ARF6: variants seen among roughly 807,000 people sequenced by gnomAD.
The protein encoded by ARF6 is ADP-ribosylation factor 6.
For synonymous variants in ARF6, 127 were observed against 95.5 expected (o/e 1.33, Z -1.92); for missense variants, 75 against 232.0 (o/e 0.32, Z 4.40).
At position 49,894,548 on chromosome 14, in the gene ARF6, T is replaced by C; in HGVS notation, c.*284T>C. The C allele has an allele frequency of 3.1e-6, 1 of 325,554 alleles. No homozygotes were observed. 20.2% of individuals were successfully genotyped at this position (325,554 alleles called of 1,614,324 possible). ...AAAGTTGCTAGATGCTCTTGTTGAC[T>C]TCCAGCAGATGGGATGGGGGAAACA... is the stretch of plus-strand genomic sequence containing the variant. On this transcript the variant is annotated 3_prime_UTR_variant, in exon 2 of 2. Transcript: ENST00000298316.
Position 49,896,055 on chromosome 14 carries a change from A to G in ARF6, c.*1791A>G. The G allele has an allele frequency of 6.0e-6, 1 of 165,850 alleles. No individual in the cohort carries two copies. 10.3% of individuals were successfully genotyped at this position (165,850 alleles called of 1,614,324 possible). On this transcript the variant is annotated 3_prime_UTR_variant, in exon 2 of 2. Coordinates refer to ENST00000298316, the MANE Select transcript of ARF6 (RefSeq NM_001663.4). ...GGCCATATTGTATAATGGAGCTTTT[A>G]CCAAAGATGTATGAGAAGTGTAAGA...
rs1465838889 is a variant in ARF6, at chr14:49,893,493, C to G, written c.-244C>G. The G allele has an allele frequency of 2.1e-6, 1 of 466,240 alleles. No individual in the cohort carries two copies. The highest frequency in any genetic ancestry group is 3.8e-6 in the Non-Finnish European group (1 of 262,920). 28.9% of individuals were successfully genotyped at this position (466,240 alleles called of 1,614,324 possible). ...GCCGGGCCGCGCCTCAGCAGGGCGGCGGCTCCCAGCGCAGTCTCAGGGCCC... is the reference window on the plus strand; with the variant it reads ...GCCGGGCCGCGCCTCAGCAGGGCGGGGGCTCCCAGCGCAGTCTCAGGGCCC... On this transcript the variant is annotated 5_prime_UTR_variant, in exon 2 of 2. Coordinates refer to ENST00000298316, the MANE Select transcript of ARF6 (RefSeq NM_001663.4).
rs754412742 is a variant in ARF6, at chr14:49,893,721, C to T, written c.-16C>T. The T allele has an allele frequency of 6.2e-7, 1 of 1,605,022 alleles. No individual in the cohort carries two copies. Among genetic ancestry groups the T allele is most frequent in the South Asian group, 1.1e-5 (1 of 90,892 alleles). Reference sequence around the variant, plus strand: ...CGGGACACCTGAATGCCCCCGGCCCCGGCTCCTCCGACGCGATGGGGAAGG... The same window carrying T: ...CGGGACACCTGAATGCCCCCGGCCCTGGCTCCTCCGACGCGATGGGGAAGG... On this transcript the variant is annotated 5_prime_UTR_variant, in exon 2 of 2. Coordinates refer to ENST00000298316, the MANE Select transcript of ARF6 (RefSeq NM_001663.4).
At position 49,895,592 on chromosome 14, in the gene ARF6, T is replaced by C. The variant is rs1416333521; in HGVS notation, c.*1328T>C. 1.2e-5 allele frequency: 2 copies of C among 167,090 alleles called. No homozygotes were observed. The highest frequency in any genetic ancestry group is 2.9e-5 in the Non-Finnish European group (2 of 68,100). 10.4% of individuals were successfully genotyped at this position (167,090 alleles called of 1,614,324 possible). On this transcript the variant is annotated 3_prime_UTR_variant, in exon 2 of 2. Transcript: ENST00000298316. Reference sequence around the variant, plus strand: ...GTCTCCTTTAAGGAAGGAAGCGTGATGAATGAATGATGTGTAGACTTGAGG... The same window carrying C: ...GTCTCCTTTAAGGAAGGAAGCGTGACGAATGAATGATGTGTAGACTTGAGG...
rs1301880306 is a variant in ARF6, at chr14:49,896,074, T to G, written c.*1810T>G. ...GCTTTTACCAAAGATGTATGAGAAG[T>G]GTAAGACTATAAAAAAATGAACTAT... On this transcript the variant is annotated 3_prime_UTR_variant, in exon 2 of 2. Transcript: ENST00000298316. The G allele has an allele frequency of 6.1e-6, 1 of 164,910 alleles. No individual in the cohort carries two copies. Among genetic ancestry groups the G allele is most frequent in the Non-Finnish European group, 1.5e-5 (1 of 68,080 alleles). 10.2% of individuals were successfully genotyped at this position (164,910 alleles called of 1,614,324 possible).
At position 49,893,476 on chromosome 14, in the gene ARF6, G is replaced by GCGCCT. The variant is rs1169384518; in HGVS notation, c.-259_-255dup. Reference sequence around the variant, plus strand: ...GGGAAGGGCAGTTCCGGGCCGGGCCGCGCCTCAGCAGGGCGGCGGCTCCCA... The same window carrying GCGCCT: ...GGGAAGGGCAGTTCCGGGCCGGGCCGCGCCTCGCCTCAGCAGGGCGGCGGCTCCCA... On this transcript the variant is annotated 5_prime_UTR_variant, in exon 2 of 2. Transcript: ENST00000298316. 1.8e-5 allele frequency: 7 copies of GCGCCT among 386,564 alleles called. No individual in the cohort carries two copies. The highest frequency in any genetic ancestry group is 2.8e-5 in the Non-Finnish European group (6 of 216,336). The allele number at this position is 386,564 out of a possible 1,614,324, so 23.9% of individuals were successfully genotyped here.
chr14:49,894,451 T>C lies in ARF6; in HGVS notation c.*187T>C. 3.9e-6 allele frequency: 2 copies of C among 506,700 alleles called. No individual in the cohort carries two copies. Among genetic ancestry groups the C allele is most frequent in the Admixed American group, 4.7e-5 (1 of 21,110 alleles). The allele number at this position is 506,700 out of a possible 1,614,324, so 31.4% of individuals were successfully genotyped here. On this transcript the variant is annotated 3_prime_UTR_variant, in exon 2 of 2. Transcript: ENST00000298316. The stretch of plus-strand genomic sequence containing the variant: ...TCTTTTGTTTGTTTCCCTTTCTTTT[T>C]CCTTTTTTTTTTTTTTTTTTTTTTG...
rs1307909604 is a variant in ARF6, at chr14:49,893,895, T to G, written c.159T>G (p.Thr53=). The G allele has an allele frequency of 6.2e-7, 1 of 1,614,182 alleles. No individual in the cohort carries two copies. ...PTVGFNVETV[T]YKNVKFNVWD... is the part of the protein sequence containing the mutation. ...TGGGTTTCAACGTGGAGACGGTGAC[T>G]TACAAAAATGTCAAGTTCAACGTAT... The change falls in exon 2 of 2, where the codon ACT becomes ACG. Residue 53 remains threonine, a synonymous_variant. Transcript: ENST00000298316.
rs539051494 is a variant in ARF6 at position 49,895,836 on chromosome 14, C to T, written c.*1572C>T. On this transcript the variant is annotated 3_prime_UTR_variant, in exon 2 of 2. Coordinates refer to ENST00000298316, the MANE Select transcript of ARF6 (RefSeq NM_001663.4). ...TGCTTGATGCAGAATTGTAAAGCAG[C>T]ATCTGGTTCCTATATAGCCTTAAGG... 1 of 166,960 alleles carries T rather than the reference C, an allele frequency of 6.0e-6. No individual in the cohort carries two copies. The highest frequency in any genetic ancestry group is 2.1e-4 in the South Asian group (1 of 4,832). The allele number at this position is 166,960 out of a possible 1,614,324, so 10.3% of individuals were successfully genotyped here. A position where few individuals can be genotyped will look rare whatever the true frequency, so the allele number is the denominator to read the frequency against.
rs1353048651 is a variant in ARF6 at position 49,894,742 on chromosome 14, C to G, written c.*478C>G. ...AGACTATGTTGCAAGTCTGTTTCAT[C>G]TAGTAAACTGAAAATTATTGCTTAA... On this transcript the variant is annotated 3_prime_UTR_variant, in exon 2 of 2. Coordinates refer to ENST00000298316, the MANE Select transcript of ARF6 (RefSeq NM_001663.4). 1.2e-5 allele frequency: 2 copies of G among 167,888 alleles called. No homozygotes were observed. Among genetic ancestry groups the G allele is most frequent in the Admixed American group, 1.3e-4 (2 of 15,422 alleles). 10.4% of individuals were successfully genotyped at this position (167,888 alleles called of 1,614,324 possible).
In ARF6 at chr14:49,893,506, A is replaced by T; in HGVS notation, c.-231A>T. On this transcript the variant is annotated 5_prime_UTR_variant, in exon 2 of 2. Coordinates refer to ENST00000298316, the MANE Select transcript of ARF6 (RefSeq NM_001663.4). ...TCAGCAGGGCGGCGGCTCCCAGCGC[A>T]GTCTCAGGGCCCGGGTGGCGGCGGC... 1 of 520,024 alleles carries T rather than the reference A, an allele frequency of 1.9e-6. No individual in the cohort carries two copies. The highest frequency in any genetic ancestry group is 3.3e-5 in the East Asian group (1 of 29,854). 32.2% of individuals were successfully genotyped at this position (520,024 alleles called of 1,614,324 possible). A position where few individuals can be genotyped will look rare whatever the true frequency, so the allele number is the denominator to read the frequency against.
At position 49,893,537 on chromosome 14, in the gene ARF6, G is replaced by C; in HGVS notation, c.-200G>C. Reference sequence around the variant, plus strand: ...AGGGCCCGGGTGGCGGCGGCGACTGGAGAAATCAAGTTGTGCGGTCGGTGA... The same window carrying C: ...AGGGCCCGGGTGGCGGCGGCGACTGCAGAAATCAAGTTGTGCGGTCGGTGA... On this transcript the variant is annotated 5_prime_UTR_variant, in exon 2 of 2. Transcript: ENST00000298316. The C allele has an allele frequency of 1.9e-5, 12 of 631,836 alleles. No homozygotes were observed. In the South Asian group the frequency reaches 2.5e-4, roughly 13 times the overall value. The allele number at this position is 631,836 out of a possible 1,614,324, so 39.1% of individuals were successfully genotyped here.
In ARF6 at chr14:49,894,237, A is replaced by G. The variant is rs372949566; in HGVS notation, c.501A>G (p.Thr167=). The change falls in exon 2 of 2, where the codon ACA becomes ACG. Residue 167 remains threonine, a synonymous_variant. Transcript: ENST00000298316. ...GGGACGGACTCTATGAGGGGCTCAC[A>G]TGGTTAACCTCTAACTACAAATCTT... ...TSGDGLYEGL[T]WLTSNYKS is the part of the protein sequence containing the mutation. 27 of 1,613,096 alleles carry G rather than the reference A, an allele frequency of 1.7e-5. No homozygotes were observed. The African/African-American group carries it at 2.8e-4, about 17-fold the overall frequency.
rs372949566 is a variant in ARF6, at chr14:49,894,237, A to T, written c.501A>T (p.Thr167=). ...GGGACGGACTCTATGAGGGGCTCACATGGTTAACCTCTAACTACAAATCTT... is the reference window on the plus strand; with the variant it reads ...GGGACGGACTCTATGAGGGGCTCACTTGGTTAACCTCTAACTACAAATCTT... ...TSGDGLYEGL[T]WLTSNYKS is the part of the protein sequence containing the mutation. Residue 167 remains threonine (T), a synonymous_variant, in exon 2 of 2, where the codon ACA becomes ACT. Coordinates refer to ENST00000298316, the MANE Select transcript of ARF6 (RefSeq NM_001663.4). The T allele has an allele frequency of 6.2e-7, 1 of 1,612,978 alleles. No individual in the cohort carries two copies. Among genetic ancestry groups the T allele is most frequent in the Non-Finnish European group, 8.5e-7 (1 of 1,179,264 alleles).
Position 49,893,572 on chromosome 14 carries a change from G to A in ARF6, c.-165G>A. ...GTTGTGCGGTCGGTGATGCCCGAGT[G>A]AGCGGGGGGCCTGGGCCTCTGCCCT... On this transcript the variant is annotated 5_prime_UTR_variant, in exon 2 of 2. An upstream open reading frame in the 5' UTR loses its in-frame stop. Coordinates refer to ENST00000298316, the MANE Select transcript of ARF6 (RefSeq NM_001663.4). The A allele has an allele frequency of 2.6e-6, 2 of 783,720 alleles. No homozygotes were observed. The highest frequency in any genetic ancestry group is 5.3e-5 in the East Asian group (2 of 37,692). 48.5% of individuals were successfully genotyped at this position (783,720 alleles called of 1,614,324 possible).
Position 49,893,711 on chromosome 14 carries a change from CCCCCGG to C in ARF6, c.-18_-13del. On this transcript the variant is annotated 5_prime_UTR_variant, in exon 2 of 2. Coordinates refer to ENST00000298316, the MANE Select transcript of ARF6 (RefSeq NM_001663.4). ...TGAGGGGACCCGGGACACCTGAATG[CCCCCGG>C]CCCCGGCTCCTCCGACGCGATGGGG... 1 of 1,600,800 alleles carries C rather than the reference CCCCCGG, an allele frequency of 6.2e-7. No individual in the cohort carries two copies. Among genetic ancestry groups the C allele is most frequent in the Non-Finnish European group, 8.5e-7 (1 of 1,170,206 alleles).
chr14:49,896,115 TAACA>T lies in ARF6; in HGVS notation c.*1856_*1859del, dbSNP rs748746485. 1 of 164,602 alleles carries T rather than the reference TAACA, an allele frequency of 6.1e-6. No individual in the cohort carries two copies. Among genetic ancestry groups the T allele is most frequent in the Non-Finnish European group, 1.5e-5 (1 of 68,084 alleles). 10.2% of individuals were successfully genotyped at this position (164,602 alleles called of 1,614,324 possible). On this transcript the variant is annotated 3_prime_UTR_variant, in exon 2 of 2. Coordinates refer to ENST00000298316, the MANE Select transcript of ARF6 (RefSeq NM_001663.4). Reference sequence around the variant, plus strand: ...AATGAACTATTCAAAGTAAAACTCTTAACAAACATTTTACTTAAAGCAGATGCAA... The same window carrying T: ...AATGAACTATTCAAAGTAAAACTCTTAACATTTTACTTAAAGCAGATGCAA...
Position 49,894,084 on chromosome 14 carries a change from A to C in ARF6, c.348A>C (p.Ile116=). 1 of 1,614,052 alleles carries C rather than the reference A, an allele frequency of 6.2e-7. No homozygotes were observed. The highest frequency in any genetic ancestry group is 8.5e-7 in the Non-Finnish European group (1 of 1,180,016). ...IINDREMRDA[I]ILIFANKQDL... The stretch of plus-strand genomic sequence containing the variant: ...ATGACCGGGAGATGAGGGACGCCAT[A>C]ATCCTCATCTTCGCCAACAAGCAGG... Residue 116 remains isoleucine (I), a synonymous_variant, in exon 2 of 2, where the codon ATA becomes ATC. Transcript: ENST00000298316.
chr14:49,894,784 C>T lies in ARF6; in HGVS notation c.*520C>T, dbSNP rs1249581628. On this transcript the variant is annotated 3_prime_UTR_variant, in exon 2 of 2. Transcript: ENST00000298316. ...ATTGCTTAATCAAACTGCCGTTTGT[C>T]TTTTATATTTAAGGCCTTCCCCCCC... 6.0e-6 allele frequency: 1 copy of T among 167,470 alleles called. No individual in the cohort carries two copies. Among genetic ancestry groups the T allele is most frequent in the African/African-American group, 2.4e-5 (1 of 41,346 alleles). The allele number at this position is 167,470 out of a possible 1,614,324, so 10.4% of individuals were successfully genotyped here.
Sources: allele counts gnomAD v4.1 joint callset, GRCh38; gene constraint gnomAD v4.1.1; transcripts MANE v1.5; gene names NCBI Gene and HGNC (gene_info 2026-07-23, HGNC 2026-07-21).